The following IMMP2L variants were observed in gnomAD, a reference collection of about 807,000 sequenced individuals.
The protein encoded by IMMP2L is inner mitochondrial membrane peptidase subunit 2, also known as mitochondrial inner membrane protease subunit 2.
In IMMP2L, 18 loss-of-function variants were observed where a neutral mutation model predicts 19.3. The ratio of observed to expected loss-of-function variants is 0.93; its 90% CI spans 0.64 to 1.38. The LOEUF is 1.38. Among genes scored for constraint, IMMP2L ranks in the 40% most tolerant of loss-of-function variants. The pLI is 0.00. For synonymous variants in IMMP2L, 76 were observed against 73.0 expected, an observed-to-expected ratio of 1.04 and a Z score of -0.21; for missense variants, 233 against 218.2, an observed-to-expected ratio of 1.07 and a Z score of -0.43.
chr7:110,782,294 T>C (rs575368679), intron 5 of IMMP2L, among the ~76,000 whole-genome samples: 3 of 151,936 alleles, frequency 2.0e-5, no homozygotes, highest in African/African-American at 7.2e-5. Flanking sequence ...ACAATACACA[T>C]GACTATTTTA....
At chr7:111,315,245 G>C (rs1823930454) in intron 3 of IMMP2L, among the ~76,000 whole-genome samples, 1 of 151,932 alleles carries the variant, frequency 6.6e-6, no homozygotes, top group South Asian at 2.1e-4. Flanking sequence ...GAAAAATTTG[G>C]GCAGTCCTGC....
At chr7:110,780,553 G>C (rs184476755) in intron 5 of IMMP2L, among the ~76,000 whole-genome samples, 39 of 151,150 alleles carry the variant, frequency 2.6e-4, no homozygotes, top group Non-Finnish European at 4.7e-4. Flanking sequence ...ACAACTCTTC[G>C]AACACACAAC....
At chr7:110,903,626 T>C (rs1319876839) in intron 4 of IMMP2L, among the ~76,000 whole-genome samples, 1 of 152,226 alleles carries the variant, frequency 6.6e-6, no homozygotes, top group Non-Finnish European at 1.5e-5. Flanking sequence ...ATTGTATGTC[T>C]ACACAACATT....
chr7:111,205,557 C>G (rs936455357), intron 3 of IMMP2L, among the ~76,000 whole-genome samples: 25 of 152,134 alleles, frequency 1.6e-4, no homozygotes, highest in Non-Finnish European at 2.8e-4. Context: ...ATTTTTCTCC[C>G]TCCTTCCAAC....
chr7:111,380,214 C>A (rs1389494431), intron 3 of IMMP2L, among the ~76,000 whole-genome samples: 1 of 151,786 alleles, frequency 6.6e-6, no homozygotes, highest in African/African-American at 2.4e-5. Flanking sequence ...TATGAAGGCC[C>A]CGCCATGAGA....
intron 3 of IMMP2L, among the ~76,000 whole-genome samples, chr7:111,208,023 AC>A (rs1464773082): frequency 1.3e-5 from 2 of 151,638 alleles, no homozygotes; most frequent in Admixed American, 1.3e-4. Context: ...AGTTCAAAAG[AC>A]CCCCTACCAA....
chr7:110,782,201 T>G (rs1799790035), intron 5 of IMMP2L, among the ~76,000 whole-genome samples: 1 of 151,932 alleles, frequency 6.6e-6, no homozygotes, highest in South Asian at 2.1e-4. Context: ...AGATATCCAC[T>G]AGGCTTATAT....
intron 3 of IMMP2L, among the ~76,000 whole-genome samples, chr7:111,270,893 A>T (rs1818390391): frequency 6.6e-6 from 1 of 152,166 alleles, no homozygotes; most frequent in Non-Finnish European, 1.5e-5. Context: ...TTACATGAAC[A>T]ATTTTTCAAA....
At chr7:111,441,732 A>G (rs570522631) in intron 3 of IMMP2L, among the ~76,000 whole-genome samples, 3 of 151,878 alleles carry the variant, frequency 2.0e-5, no homozygotes, top group South Asian at 4.1e-4. Context: ...AAAAAAAAAA[A>G]AAAAGAAAAC....
At chr7:111,226,305 C>T (rs1420572218) in intron 3 of IMMP2L, among the ~76,000 whole-genome samples, 3 of 151,982 alleles carry the variant, frequency 2.0e-5, no homozygotes, top group Admixed American at 1.3e-4. Context: ...AGCCATGTGC[C>T]ACCATGCCCA....
At chr7:110,755,145 A>C (rs971910885) in intron 5 of IMMP2L, among the ~76,000 whole-genome samples, 8 of 152,116 alleles carry the variant, frequency 5.3e-5, no homozygotes, top group South Asian at 2.1e-4. Context: ...TAGACCATAA[A>C]ACTATAGTTT....
chr7:110,735,914 G>A (rs1796608095), intron 5 of IMMP2L, among the ~76,000 whole-genome samples: 1 of 150,394 alleles, frequency 6.6e-6, no homozygotes, highest in Admixed American at 6.7e-5. Context: ...GATTGTTGGG[G>A]CTGCCACTCT....
intron 3 of IMMP2L, among the ~76,000 whole-genome samples, chr7:111,341,035 T>C (rs1410452351): frequency 6.6e-6 from 1 of 152,144 alleles, no homozygotes; most frequent in Non-Finnish European, 1.5e-5. Flanking sequence ...TGTGCACATT[T>C]CTGTTTGTAT....
intron 3 of IMMP2L, among the ~76,000 whole-genome samples, chr7:111,111,818 C>T (rs559705394): frequency 2.3e-4 from 34 of 150,176 alleles, no homozygotes; most frequent in African/African-American, 6.4e-4. Context: ...CCATCCTGGG[C>T]GACAAAAGGA....
At chr7:111,556,895 C>T (rs944890531) in intron 1 of IMMP2L, among the ~76,000 whole-genome samples, 1 of 152,114 alleles carries the variant, frequency 6.6e-6, no homozygotes, top group African/African-American at 2.4e-5. Context: ...GCCTTCTAGA[C>T]ATCTCACACT....
At chr7:110,820,602 G>T (rs1802937875) in intron 5 of IMMP2L, among the ~76,000 whole-genome samples, 1 of 151,644 alleles carries the variant, frequency 6.6e-6, no homozygotes. Flanking sequence ...ACCCATAACA[G>T]TTCATGCTAA....
Position 111,214,665 on chromosome 7 carries a change from A to G in IMMP2L, c.240-251100T>C, listed in dbSNP as rs145923614. 5.9e-3 allele frequency among the ~76,000 whole-genome samples: 862 copies of G among 145,510 alleles called. 8 individuals are homozygous for G. Among genetic ancestry groups the G allele is most frequent in the South Asian group, 0.027 (129 of 4,724 alleles). ...ACCATGCCTGGCCAATTTTTTTTCA[A>G]ATTTATGTTAAATCTCACCTAAATA... is the stretch of plus-strand genomic sequence containing the variant. On this transcript the variant is annotated intron_variant, in intron 3 of 5. Coordinates refer to ENST00000405709, the MANE Select transcript of IMMP2L (RefSeq NM_032549.4).
intron 3 of IMMP2L, among the ~76,000 whole-genome samples, chr7:111,094,734 A>G (rs1797226325): frequency 6.6e-6 from 1 of 152,168 alleles, no homozygotes; most frequent in Non-Finnish European, 1.5e-5. Flanking sequence ...GTATTGTTAG[A>G]CATCTACGAA....
chr7:111,167,013 G>A (rs79810061), intron 3 of IMMP2L, among the ~76,000 whole-genome samples: 2 of 151,868 alleles, frequency 1.3e-5, no homozygotes, highest in Admixed American at 6.6e-5. Flanking sequence ...TCATTCGGAG[G>A]GGGGGCAGGT....
Sources: gnomAD v4.1 joint callset for allele counts (sites outside exome capture counted in the v4.1 genomes callset) on GRCh38, gnomAD v4.1.1 for gene constraint, MANE v1.5 for transcripts, NCBI Gene and HGNC (gene_info 2026-07-23, HGNC 2026-07-21) for gene names.